Variants in GSE1 observed in about 807,000 individuals in gnomAD.
The protein encoded by GSE1 is genetic suppressor element 1.
GSE1 carries 32 observed loss-of-function variants against 112.6 expected under a neutral mutation model. The observed-to-expected ratio is 0.28, with a 90% CI of 0.21 to 0.38. The LOEUF (loss-of-function observed/expected upper bound fraction) is 0.38, where lower values mean the gene tolerates loss of function less well. GSE1 is among the 10% of genes least tolerant of loss of function. The probability of loss-of-function intolerance (pLI) is 1.00; values close to 1 mark genes in which losing one functional copy is unlikely to be tolerated. For synonymous variants in GSE1, 1,115 were observed against 735.6 expected (o/e 1.52, Z -8.35); for missense variants, 2,348 against 1,699.2 (o/e 1.38, Z -6.71).
At chr16:85,500,363 A>G (rs1597970163) in intron 2 of GSE1, among the ~76,000 whole-genome samples, 1 of 152,232 alleles carries the variant, frequency 6.6e-6, no homozygotes, top group African/African-American at 2.4e-5. Context: ...TCAATCAATT[A>G]CGTGTGGTCT....
At chr16:85,506,675 G>A (rs1387887537) in intron 2 of GSE1, among the ~76,000 whole-genome samples, 10 of 152,114 alleles carry the variant, frequency 6.6e-5, no homozygotes, top group Admixed American at 6.5e-4. Context: ...TCAACCTGGG[G>A]AGGTGGGGGC....
At chr16:85,440,009 A>G (rs2049339730) in intron 2 of GSE1, among the ~76,000 whole-genome samples, 1 of 152,252 alleles carries the variant, frequency 6.6e-6, no homozygotes. Context: ...TATGCACAGT[A>G]CACAGACTGC....
chr16:85,371,132 C>T (rs947331923), intron 2 of GSE1, among the ~76,000 whole-genome samples: 3 of 152,240 alleles, frequency 2.0e-5, no homozygotes, highest in South Asian at 2.1e-4. Flanking sequence ...CCGCCCCCCT[C>T]GTTCCTTCCC....
rs1037698425 is a variant in GSE1 at position 85,430,746 on chromosome 16, T to C, written c.2464+73103T>C. On this transcript the variant is annotated intron_variant, in intron 2 of 2. Transcript: ENST00000637419. ...CTGAAGGGCACCGCTGGGGAAATCC[T>C]GACGTAGGCACACACGTGCATGACC... 3.3e-5 allele frequency among the ~76,000 whole-genome samples: 5 copies of C among 152,228 alleles called. No individual in the cohort carries two copies. The South Asian group carries it at 8.3e-4, about 25-fold the overall frequency.
chr16:85,613,088 G>C, upstream of GSE1: 1 of 720,022 alleles, frequency 1.4e-6, no homozygotes, highest in Non-Finnish European at 2.0e-6. Context: ...GTGGATCCGG[G>C]CGCCCGTCGG....
upstream of GSE1, chr16:85,555,337 T>C: frequency 3.1e-6 from 3 of 981,202 alleles, no homozygotes; most frequent in Non-Finnish European, 3.6e-6. Flanking sequence ...TCCTCCTCCT[T>C]CCACCCCCTC....
At chr16:85,664,283 C>T (rs1221510053) in intron 11 of GSE1, among the ~76,000 whole-genome samples, 1 of 152,246 alleles carries the variant, frequency 6.6e-6, no homozygotes, top group African/African-American at 2.4e-5. Flanking sequence ...TCCTCGTGGG[C>T]CCCTGGCCTC....
At chr16:85,300,291 C>T (rs1340159299) in intron 1 of GSE1, among the ~76,000 whole-genome samples, 5 of 152,190 alleles carry the variant, frequency 3.3e-5, no homozygotes, top group Non-Finnish European at 5.9e-5. Flanking sequence ...GGATTACAGG[C>T]GTGAGCCACT....
chr16:85,553,266 A>ACCCCGACCCCGCCG (rs1555531362), upstream of GSE1, among the ~76,000 whole-genome samples: 3 of 147,856 alleles, frequency 2.0e-5, no homozygotes, highest in African/African-American at 7.4e-5. Context: ...CAGGTGCCGG[A>ACCCCGACCCCGCCG]CCCCGACCCC....
chr16:85,502,501 A>G (rs1346110123), intron 2 of GSE1, among the ~76,000 whole-genome samples: 1 of 152,158 alleles, frequency 6.6e-6, no homozygotes, highest in African/African-American at 2.4e-5. Context: ...CCGGTGAGTG[A>G]GATTCTGAGG....
intron 1 of GSE1, among the ~76,000 whole-genome samples, chr16:85,621,750 G>A (rs957377939): frequency 3.9e-5 from 6 of 152,292 alleles, no homozygotes; most frequent in African/African-American, 1.4e-4. Flanking sequence ...TGTGTCATCC[G>A]TGTCTCTTAT....
intron 1 of GSE1, among the ~76,000 whole-genome samples, chr16:85,265,977 G>A (rs1238706996): frequency 1.3e-5 from 2 of 152,194 alleles, no homozygotes; most frequent in African/African-American, 2.4e-5. Flanking sequence ...GTCCCTGTAA[G>A]AGTGGCTGGG....
At position 85,674,580 on chromosome 16, in the gene GSE1, C is replaced by A. The variant is rs546911569; in HGVS notation, c.*2041C>A. On this transcript the variant is annotated 3_prime_UTR_variant, in exon 16 of 16. Coordinates refer to ENST00000253458, the MANE Select transcript of GSE1 (RefSeq NM_014615.5). Reference sequence around the variant, plus strand: ...GCTTAAGAGTCACATCTTAGCACTTCCGCTCTCAGGCCTCCTCCTCCATCA... The same window carrying A: ...GCTTAAGAGTCACATCTTAGCACTTACGCTCTCAGGCCTCCTCCTCCATCA... 6.6e-6 allele frequency: 1 copy of A among 152,368 alleles called. No homozygotes were observed. Among genetic ancestry groups the A allele is most frequent in the South Asian group, 2.1e-4 (1 of 4,826 alleles). The allele number at this position is 152,368 out of a possible 1,614,324, so 9.4% of individuals were successfully genotyped here.
chr16:85,487,582 A>G (rs2151886572), intron 2 of GSE1, among the ~76,000 whole-genome samples: 1 of 152,342 alleles, frequency 6.6e-6, no homozygotes, highest in South Asian at 2.1e-4. Context: ...TGACCCGCCC[A>G]GGTCACACAG....
chr16:85,213,880 G>A (rs1031303969), intron 1 of GSE1, among the ~76,000 whole-genome samples: 11 of 152,240 alleles, frequency 7.2e-5, no homozygotes, highest in African/African-American at 2.7e-4. Context: ...GCCCCAGGCT[G>A]TTGGCAGCTG....
intron 1 of GSE1, among the ~76,000 whole-genome samples, chr16:85,342,703 C>A (rs998441363): frequency 2.0e-5 from 3 of 152,146 alleles, no homozygotes; most frequent in Non-Finnish European, 4.4e-5. Flanking sequence ...TGAGCCACAT[C>A]TAAACAGGGA....
At chr16:85,454,243 T>C (rs2049762932) in intron 2 of GSE1, among the ~76,000 whole-genome samples, 1 of 152,186 alleles carries the variant, frequency 6.6e-6, no homozygotes, top group African/African-American at 2.4e-5. Context: ...GTGGTAGCAT[T>C]GGTGGTGTGT....
At chr16:85,584,166 CCT>C (rs994708420) in intron 1 of GSE1, among the ~76,000 whole-genome samples, 5 of 138,490 alleles carry the variant, frequency 3.6e-5, no homozygotes, top group Admixed American at 2.7e-4. Context: ...TGCGTGGGCC[CCT>C]GTCTGTTTGG....
chr16:85,349,385 T>C (rs541047281), intron 1 of GSE1, among the ~76,000 whole-genome samples: 82 of 152,280 alleles, frequency 5.4e-4, no homozygotes, highest in African/African-American at 1.9e-3. Context: ...TTGAGCAGAA[T>C]GTCTTCGTAG....
Sources: allele counts gnomAD v4.1 joint callset (sites outside exome capture counted in the v4.1 genomes callset), GRCh38; gene constraint gnomAD v4.1.1; transcripts MANE v1.5; gene names NCBI Gene and HGNC (gene_info 2026-07-23, HGNC 2026-07-21).